DCDC1: variants seen among roughly 807,000 people sequenced by gnomAD.
DCDC1 encodes the protein doublecortin domain-containing protein 1.
DCDC1 carries 200 observed loss-of-function variants against 178.3 expected under a neutral mutation model. The ratio of observed to expected loss-of-function variants is 1.12; its 90% CI spans 1.00 to 1.26. The LOEUF (loss-of-function observed/expected upper bound fraction) is 1.26. Among genes scored for constraint, DCDC1 ranks in the 50% most tolerant of loss-of-function variants. The pLI is 0.00. For missense variants in DCDC1, 1,983 were observed against 1,749.2 expected (o/e 1.13, Z -2.38); for synonymous variants, 690 against 604.8 (o/e 1.14, Z -2.07).
At chr11:31,153,148 A>C (rs1168626982) in intron 9 of DCDC1, among the ~76,000 whole-genome samples, 1 of 152,042 alleles carries the variant, frequency 6.6e-6, no homozygotes, top group East Asian at 1.9e-4. Flanking sequence ...GTCACTGTCC[A>C]CTCCAAACCC....
intron 6 of DCDC1, among the ~76,000 whole-genome samples, chr11:31,302,373 C>G (rs1266206107): frequency 6.6e-6 from 1 of 152,050 alleles, no homozygotes; most frequent in Non-Finnish European, 1.5e-5. Context: ...AAACCTAAAC[C>G]ACATGGCCAT....
intron 2 of DCDC1, among the ~76,000 whole-genome samples, chr11:31,328,946 T>C (rs1480718564): frequency 1.1e-5 from 1 of 90,756 alleles, no homozygotes; most frequent in Non-Finnish European, 2.3e-5. Context: ...ACCACAAGGC[T>C]TTTTTTTTTT....
rs1242487327 is a variant in DCDC1 at position 31,305,785 on chromosome 11, A to C, written c.592-8T>G. 2 of 1,611,840 alleles carry C rather than the reference A, an allele frequency of 1.2e-6. No individual in the cohort carries two copies. The highest frequency in any genetic ancestry group is 1.1e-5 in the South Asian group (1 of 90,744). On this transcript the variant is annotated splice_region_variant and splice_polypyrimidine_tract_variant and intron_variant, in intron 5 of 38. Transcript: ENST00000684477. Reference sequence around the variant, plus strand: ...TGTGCACTCCTCCAGCAGCTAGAAGAAAGCAAGAGGTAAGTCAAAGTGATT... The same window carrying C: ...TGTGCACTCCTCCAGCAGCTAGAAGCAAGCAAGAGGTAAGTCAAAGTGATT...
chr11:31,264,864 G>A (rs1945036692), intron 8 of DCDC1, among the ~76,000 whole-genome samples: 1 of 152,142 alleles, frequency 6.6e-6, no homozygotes, highest in Admixed American at 6.5e-5. Flanking sequence ...ACTTTATTCA[G>A]TGAGTTAAAA....
At chr11:31,249,585 TC>T (rs1591537257) in intron 8 of DCDC1, among the ~76,000 whole-genome samples, 2 of 152,098 alleles carry the variant, frequency 1.3e-5, no homozygotes, top group East Asian at 3.9e-4. Flanking sequence ...AGACTGCAAG[TC>T]CAAGGAATGA....
At chr11:31,334,554 G>T (rs187155180) in intron 2 of DCDC1, among the ~76,000 whole-genome samples, 1 of 152,302 alleles carries the variant, frequency 6.6e-6, no homozygotes, top group Non-Finnish European at 1.5e-5. Context: ...GTGACCTACA[G>T]ATGGGGTTTT....
At chr11:31,275,450 C>T (rs1253246196) in intron 7 of DCDC1, among the ~76,000 whole-genome samples, 1 of 152,122 alleles carries the variant, frequency 6.6e-6, no homozygotes, top group Non-Finnish European at 1.5e-5. Flanking sequence ...ACTCTTTTCC[C>T]TTTTGACTCA....
At chr11:31,175,151 A>C (rs1275920222) in intron 9 of DCDC1, among the ~76,000 whole-genome samples, 1 of 152,170 alleles carries the variant, frequency 6.6e-6, no homozygotes, top group Non-Finnish European at 1.5e-5. Flanking sequence ...GGCATCTCCG[A>C]GCTTCCGGAT....
chr11:31,251,128 T>G, intron 8 of DCDC1, among the ~76,000 whole-genome samples: 1 of 152,190 alleles, frequency 6.6e-6, no homozygotes, highest in African/African-American at 2.4e-5. Flanking sequence ...ACAGAGAAGT[T>G]TACAAAATCT....
rs1440963982 is a variant in DCDC1 at position 31,070,077 on chromosome 11, G to A, written c.2299-4924C>T. On this transcript the variant is annotated intron_variant, in intron 18 of 38. Transcript: ENST00000684477. ...ATGCATTTGGAGACATTTACAAATT[G>A]TCCTGGAATTTTCCCTTTGGAGTCA... 2.0e-5 allele frequency among the ~76,000 whole-genome samples: 3 copies of A among 152,288 alleles called. No individual in the cohort carries two copies. The East Asian group carries it at 5.8e-4, about 29-fold the overall frequency.
At chr11:30,948,627 A>G (rs1039204071) in intron 21 of DCDC1, among the ~76,000 whole-genome samples, 2 of 152,216 alleles carry the variant, frequency 1.3e-5, no homozygotes, top group African/African-American at 2.4e-5. Flanking sequence ...ACAGTAACCA[A>G]AACAGCATGG....
chr11:30,950,432 A>C (rs1948348285), intron 21 of DCDC1, among the ~76,000 whole-genome samples: 1 of 152,202 alleles, frequency 6.6e-6, no homozygotes, highest in African/African-American at 2.4e-5. Flanking sequence ...ACTATTCATA[A>C]TGGCAAAATA....
chr11:31,344,139 C>T lies in DCDC1; in HGVS notation c.-124-8575G>A, dbSNP rs559893969. Among the ~76,000 whole-genome samples the T allele has an allele frequency of 9.9e-5, 15 of 152,122 alleles. No individual in the cohort carries two copies. In the East Asian group the frequency reaches 1.7e-3, roughly 18 times the overall value. ...GACTGTAACAGGGTTTCAGATAACA[C>T]CCCTGCACATTGACAATTAAATGAG... On this transcript the variant is annotated intron_variant, in intron 1 of 38. Transcript: ENST00000684477.
intron 9 of DCDC1, among the ~76,000 whole-genome samples, chr11:31,236,765 GT>G (rs1396362673): frequency 6.6e-6 from 1 of 151,852 alleles, no homozygotes; most frequent in Non-Finnish European, 1.5e-5. Context: ...CTATTTTCAT[GT>G]TTTTAATAGT....
intron 20 of DCDC1, among the ~76,000 whole-genome samples, chr11:31,034,928 T>G (rs1168281919): frequency 6.6e-6 from 1 of 152,188 alleles, no homozygotes; most frequent in Non-Finnish European, 1.5e-5. Flanking sequence ...CACACCTTGG[T>G]AGTGTTTGGT....
chr11:31,287,859 T>C (rs903485619), intron 7 of DCDC1, among the ~76,000 whole-genome samples: 6 of 149,630 alleles, frequency 4.0e-5, no homozygotes, highest in Admixed American at 2.7e-4. Flanking sequence ...GATCCCAGGA[T>C]AGAGATCATA....
chr11:31,244,907 T>G (rs1275660098), intron 8 of DCDC1, among the ~76,000 whole-genome samples: 2 of 151,736 alleles, frequency 1.3e-5, no homozygotes, highest in African/African-American at 2.4e-5. Context: ...TGATAAATCA[T>G]GTGACCAAAA....
intron 11 of DCDC1, among the ~76,000 whole-genome samples, chr11:31,121,219 T>A (rs952663406): frequency 6.6e-6 from 1 of 151,810 alleles, no homozygotes; most frequent in Non-Finnish European, 1.5e-5. Context: ...TACAAATAAA[T>A]TGTGGTTGTG....
At chr11:30,873,262 C>T (rs2133932852) in intron 38 of DCDC1, among the ~76,000 whole-genome samples, 1 of 149,262 alleles carries the variant, frequency 6.7e-6, no homozygotes, top group African/African-American at 2.5e-5. Flanking sequence ...AATGACTACA[C>T]TAAACAAGAG....
Sources: allele counts gnomAD v4.1 joint callset (sites outside exome capture counted in the v4.1 genomes callset), GRCh38; gene constraint gnomAD v4.1.1; transcripts MANE v1.5; gene names NCBI Gene and HGNC (gene_info 2026-07-23, HGNC 2026-07-21).